SLC71A1: variants seen among roughly 807,000 people sequenced by gnomAD.
The protein encoded by SLC71A1 is solute carrier family 71 member 1, also known as hippocampus abundant gene transcript 1.
the SLC71A1 span, among the ~76,000 whole-genome samples, chr1:100,052,808 G>A: frequency 1.3e-5 from 2 of 148,848 alleles, no homozygotes; most frequent in Admixed American, 6.7e-5. Context: ...TTTTGAGATG[G>A]AGTCTCACTC....
chr1:100,067,961 C>G, the SLC71A1 span: 1 of 1,608,552 alleles, frequency 6.2e-7, no homozygotes, highest in African/African-American at 1.3e-5. Context: ...CTCTGTCTAT[C>G]CTTAATTTAT....
the SLC71A1 span, chr1:100,050,037 T>C: frequency 2.7e-6 from 3 of 1,094,006 alleles, no homozygotes; most frequent in Non-Finnish European, 4.1e-6. Context: ...TAACACTGAC[T>C]CCAAAATCTC....
the SLC71A1 span, among the ~76,000 whole-genome samples, chr1:100,043,509 A>G: frequency 6.6e-6 from 1 of 152,340 alleles, no homozygotes; most frequent in East Asian, 1.9e-4. Flanking sequence ...AGGAGGGACA[A>G]GTATATGCAG....
At chr1:100,058,624 G>A in the SLC71A1 span, 3 of 1,040,688 alleles carry the variant, frequency 2.9e-6, no homozygotes, top group African/African-American at 4.7e-5. Context: ...TATTAAGACT[G>A]AAATATAGCA....
chr1:100,038,838 T>C, the SLC71A1 span, among the ~76,000 whole-genome samples: 6 of 152,220 alleles, frequency 3.9e-5, no homozygotes, highest in African/African-American at 1.4e-4. Context: ...TCTCTCTGCG[T>C]CGGTGCTCCG....
At chr1:100,052,783 T>C in the SLC71A1 span, among the ~76,000 whole-genome samples, 1 of 151,452 alleles carries the variant, frequency 6.6e-6, no homozygotes, top group African/African-American at 2.4e-5. Flanking sequence ...TTTTTTTATT[T>C]TGTTTGTTTG....
At chr1:100,069,766 C>A in the SLC71A1 span, 1 of 844,840 alleles carries the variant, frequency 1.2e-6, no homozygotes, top group Non-Finnish European at 2.0e-6. Flanking sequence ...GTGATGGTAT[C>A]TTGGTGGAAT....
At chr1:100,054,418 G>C in the SLC71A1 span, among the ~76,000 whole-genome samples, 1 of 151,778 alleles carries the variant, frequency 6.6e-6, no homozygotes. Flanking sequence ...TTACCATCTT[G>C]GTCAGGCTGG....
At chr1:100,081,583 C>T in the SLC71A1 span, among the ~76,000 whole-genome samples, 3 of 152,210 alleles carry the variant, frequency 2.0e-5, no homozygotes, top group Middle Eastern at 0.01. Flanking sequence ...ACCATGTTGG[C>T]CAGGCTGGTC....
chr1:100,055,807 C>T, the SLC71A1 span, among the ~76,000 whole-genome samples: 1 of 152,082 alleles, frequency 6.6e-6, no homozygotes, highest in Non-Finnish European at 1.5e-5. Flanking sequence ...GGCTGGAGTG[C>T]AGTGGCGCGA....
the SLC71A1 span, among the ~76,000 whole-genome samples, chr1:100,045,211 A>G: frequency 9.9e-5 from 15 of 151,884 alleles, no homozygotes; most frequent in Non-Finnish European, 2.2e-4. Context: ...AAGATCTTTC[A>G]CTTCCTTGGT....
At chr1:100,082,658 A>T in the SLC71A1 span, 2 of 154,676 alleles carry the variant, frequency 1.3e-5, no homozygotes, top group Non-Finnish European at 2.9e-5. Context: ...TCTTGGGTCA[A>T]ATAATTCAAA....
chr1:100,082,574 C>A, the SLC71A1 span: 1 of 210,756 alleles, frequency 4.7e-6, no homozygotes, highest in Non-Finnish European at 9.7e-6. Context: ...CAGTGAGACA[C>A]AGTAGGTAGT....
the SLC71A1 span, chr1:100,080,190 C>T: frequency 5.1e-6 from 1 of 196,994 alleles, no homozygotes; most frequent in Non-Finnish European, 1.0e-5. Flanking sequence ...GAAATTGTGA[C>T]TGATTTTTAA....
At chr1:100,048,066 T>C in the SLC71A1 span, among the ~76,000 whole-genome samples, 1 of 152,112 alleles carries the variant, frequency 6.6e-6, no homozygotes, top group Non-Finnish European at 1.5e-5. Flanking sequence ...ACTTTGATTT[T>C]TAAAAAAATT....
At chr1:100,082,106 G>A in the SLC71A1 span, 1 of 1,614,100 alleles carries the variant, frequency 6.2e-7, no homozygotes, top group East Asian at 2.2e-5. Flanking sequence ...TTAAGCTTAA[G>A]GTCCAGCAGT....
chr1:100,068,539 C>T, the SLC71A1 span: 2 of 1,613,984 alleles, frequency 1.2e-6, no homozygotes, highest in African/African-American at 1.3e-5. Flanking sequence ...TCTCTCCTAC[C>T]TACCGGAGGC....
chr1:100,038,370 C>G, the SLC71A1 span: 1 of 1,387,062 alleles, frequency 7.2e-7, no homozygotes, highest in Non-Finnish European at 1.0e-6. Context: ...TCCGGTCTCT[C>G]CTTCAGACCC....
the SLC71A1 span, among the ~76,000 whole-genome samples, chr1:100,066,744 C>G: frequency 6.6e-6 from 1 of 152,056 alleles, no homozygotes; most frequent in Admixed American, 6.5e-5. Flanking sequence ...AATCCCAGCA[C>G]TTTGGGAGGC....
Sources: gnomAD v4.1 joint callset for allele counts (sites outside exome capture counted in the v4.1 genomes callset) on GRCh38, gnomAD v4.1.1 for gene constraint, MANE v1.5 for transcripts, NCBI Gene and HGNC (gene_info 2026-07-23, HGNC 2026-07-21) for gene names.